The following ARHGAP23 variants were observed in gnomAD, a reference collection of about 807,000 sequenced individuals.
The protein encoded by ARHGAP23 is rho GTPase-activating protein 23.
In ARHGAP23, 34 loss-of-function variants were observed where a neutral mutation model predicts 136.3. The ratio of observed to expected loss-of-function variants is 0.25; its 90% CI spans 0.19 to 0.33. The LOEUF (loss-of-function observed/expected upper bound fraction) is 0.33, where lower values mean the gene tolerates loss of function less well. Ranked by LOEUF, ARHGAP23 falls within the 10% of genes least tolerant of loss-of-function variation. The pLI is 1.00. For missense variants in ARHGAP23, 1,808 were observed against 2,139.0 expected (o/e 0.85, Z 3.05); for synonymous variants, 832 against 920.5 (o/e 0.90, Z 1.74).
intron 16 of ARHGAP23, among the ~76,000 whole-genome samples, chr17:38,485,516 G>A (rs960373852): frequency 1.3e-5 from 2 of 152,184 alleles, no homozygotes; most frequent in African/African-American, 2.4e-5. Context: ...TGGGTTAAGC[G>A]CCAGGAAGGA....
chr17:38,420,650 G>A (rs2038511498), intron 1 of ARHGAP23, among the ~76,000 whole-genome samples: 1 of 152,146 alleles, frequency 6.6e-6, no homozygotes, highest in Non-Finnish European at 1.5e-5. Context: ...GAGGGGCACT[G>A]GGAGGCATAA....
chr17:38,477,623 G>T lies in ARHGAP23; in HGVS notation c.2163G>T (p.Ala721=). 2 of 1,273,684 alleles carry T rather than the reference G, an allele frequency of 1.6e-6. No homozygotes were observed. The highest frequency in any genetic ancestry group is 4.7e-5 in the South Asian group (2 of 43,004). The allele number at this position is 1,273,684 out of a possible 1,614,324, so 78.9% of individuals were successfully genotyped here. A position where few individuals can be genotyped will look rare whatever the true frequency, so the allele number is the denominator to read the frequency against. ...GCCAGTGGAAGCGGGTGTACGCCGCGCTGCGGGCGCGCTCGCTCTCGCTGA... is the reference window on the plus strand; with the variant it reads ...GCCAGTGGAAGCGGGTGTACGCCGCTCTGCGGGCGCGCTCGCTCTCGCTGA... ...GLRQWKRVYA[A]LRARSLSLSK... Residue 721 remains alanine, a synonymous_variant, in exon 12 of 24, where the codon GCG becomes GCT. Coordinates refer to ENST00000622683, the MANE Select transcript of ARHGAP23 (RefSeq NM_001199417.2). The surrounding 1 kb of genome is among the most constrained non-coding windows in gnomAD (Gnocchi z 6.6).
rs767961134 is a variant in ARHGAP23, at chr17:38,504,361, G to A, written c.3447+3733G>A. Reference sequence around the variant, plus strand: ...TCATCTACTGGGGAGACCAGGAATCGGAGTCAGGGAAGCAGGAGGCACCAG... The same window carrying A: ...TCATCTACTGGGGAGACCAGGAATCAGAGTCAGGGAAGCAGGAGGCACCAG... On this transcript the variant is annotated intron_variant, in intron 23 of 23. Transcript: ENST00000622683. 4.7e-4 allele frequency among the ~76,000 whole-genome samples: 72 copies of A among 152,172 alleles called. 1 individual carries two copies. The highest frequency in any genetic ancestry group is 1.9e-4 in the Non-Finnish European group (13 of 68,024).
chr17:38,424,193 C>T (rs935076492), upstream of ARHGAP23, among the ~76,000 whole-genome samples: 12 of 152,184 alleles, frequency 7.9e-5, no homozygotes, highest in African/African-American at 2.4e-4. Flanking sequence ...CCTCTGGAGC[C>T]CCACCCTCCA....
At chr17:38,479,665 G>T in intron 13 of ARHGAP23, 88 bp from the exon 14 acceptor site, 2 of 1,426,066 alleles carry the variant, frequency 1.4e-6, no homozygotes, top group Middle Eastern at 2.6e-4. Context: ...GGGTGGAGGG[G>T]AGGTCCCGAG....
intron 1 of ARHGAP23, among the ~76,000 whole-genome samples, chr17:38,447,781 T>C (rs1177218003): frequency 6.7e-6 from 1 of 148,822 alleles, no homozygotes; most frequent in Admixed American, 6.6e-5. Context: ...CAAGGGCTGC[T>C]GAGTGGGTAA....
At chr17:38,468,920 G>A (rs1403036859) in intron 7 of ARHGAP23, among the ~76,000 whole-genome samples, 2 of 152,156 alleles carry the variant, frequency 1.3e-5, no homozygotes, top group Non-Finnish European at 2.9e-5. Flanking sequence ...TCTGGAGCCC[G>A]GTCTAAGGAG....
At chr17:38,434,558 G>A (rs2038752995) in intron 1 of ARHGAP23, among the ~76,000 whole-genome samples, 1 of 152,238 alleles carries the variant, frequency 6.6e-6, no homozygotes, top group African/African-American at 2.4e-5. Context: ...TTGGCCTCTT[G>A]GGGTGTGGAG....
At chr17:38,507,471 T>C (rs2040660420) in intron 23 of ARHGAP23, among the ~76,000 whole-genome samples, 1 of 152,096 alleles carries the variant, frequency 6.6e-6, no homozygotes, top group African/African-American at 2.4e-5. Flanking sequence ...CCATTGCTCC[T>C]GCTGGCCCCC....
In ARHGAP23 at chr17:38,428,512, C is replaced by T. The variant is rs1034998468; in HGVS notation, c.27C>T (p.Val9=). ...TGAATGGAGTCGCCTTCTGCCTGGT[C>T]GGGATCCCGCCCCGCCCGGAGCCCC... MNGVAFCL[V]GIPPRPEPRP... is the part of the protein sequence containing the mutation. Residue 9 remains valine, a synonymous_variant, in exon 1 of 24, where the codon GTC becomes GTT. Coordinates refer to ENST00000622683, the MANE Select transcript of ARHGAP23 (RefSeq NM_001199417.2). 18 of 1,456,710 alleles carry T rather than the reference C, an allele frequency of 1.2e-5. No individual in the cohort carries two copies. The highest frequency in any genetic ancestry group is 1.5e-5 in the Non-Finnish European group (17 of 1,108,242). The allele number at this position is 1,456,710 out of a possible 1,614,324, so 90.2% of individuals were successfully genotyped here. A position where few individuals can be genotyped will look rare whatever the true frequency, so the allele number is the denominator to read the frequency against.
chr17:38,509,147 C>G (rs572318037), intron 23 of ARHGAP23, among the ~76,000 whole-genome samples: 15 of 152,006 alleles, frequency 9.9e-5, no homozygotes, highest in African/African-American at 3.4e-4. Context: ...GCAGCATGGG[C>G]CCTCCTGGGA....
chr17:38,470,775 G>C lies in ARHGAP23; in HGVS notation c.1974+871G>C, dbSNP rs141771344. ...TGGTCTCGAACTCCTGACGTCAGGT[G>C]ATCCACCCACCTCGGCCTCCCAAAG... is the stretch of plus-strand genomic sequence containing the variant. On this transcript the variant is annotated intron_variant, in intron 10 of 23. Coordinates refer to ENST00000622683, the MANE Select transcript of ARHGAP23 (RefSeq NM_001199417.2). Among the ~76,000 whole-genome samples the C allele has an allele frequency of 6.8e-4, 103 of 152,142 alleles. 6 individuals are homozygous for C. In the East Asian group the frequency reaches 0.019, roughly 28 times the overall value.
intron 1 of ARHGAP23, among the ~76,000 whole-genome samples, chr17:38,420,917 C>G (rs1276050787): frequency 6.6e-6 from 1 of 151,894 alleles, no homozygotes; most frequent in Admixed American, 6.5e-5. Flanking sequence ...GTGAATTTCA[C>G]CTGGATTTTT....
intron 17 of ARHGAP23, among the ~76,000 whole-genome samples, chr17:38,488,963 C>T (rs2040214842): frequency 6.6e-6 from 1 of 151,912 alleles, no homozygotes; most frequent in Admixed American, 6.6e-5. Context: ...GCAACCTCCG[C>T]CTCCCGGGTT....
intron 17 of ARHGAP23, among the ~76,000 whole-genome samples, chr17:38,488,728 T>G (rs2144744969): frequency 6.6e-6 from 1 of 152,102 alleles, no homozygotes; most frequent in East Asian, 1.9e-4. Flanking sequence ...TTTGTATTTT[T>G]GGTAGAGACG....
chr17:38,457,125 G>T (rs768328774), intron 1 of ARHGAP23, among the ~76,000 whole-genome samples: 5 of 152,222 alleles, frequency 3.3e-5, no homozygotes, highest in Non-Finnish European at 7.3e-5. Flanking sequence ...GGCCAGGCTG[G>T]TCTCGAACTC....
chr17:38,453,679 G>A (rs1473142525), intron 1 of ARHGAP23: 1 of 150,520 alleles, frequency 6.6e-6, no homozygotes, highest in South Asian at 2.1e-4. Context: ...CGGGCGTGTC[G>A]GGGCTCGGGC....
At chr17:38,433,402 A>G (rs939411052) in intron 1 of ARHGAP23, among the ~76,000 whole-genome samples, 1 of 152,218 alleles carries the variant, frequency 6.6e-6, no homozygotes, top group Non-Finnish European at 1.5e-5. Context: ...AAATGAGAAC[A>G]ATGCACTTTT....
chr17:38,429,868 C>A (rs760173795), intron 1 of ARHGAP23, among the ~76,000 whole-genome samples: 4 of 152,208 alleles, frequency 2.6e-5, no homozygotes, highest in Non-Finnish European at 5.9e-5. Flanking sequence ...CCATGTGGTT[C>A]TCCCCTCTGC....
Sources: allele counts gnomAD v4.1 joint callset (sites outside exome capture counted in the v4.1 genomes callset), GRCh38; gene constraint gnomAD v4.1.1; non-coding constraint Gnocchi (gnomAD v3.1); transcripts MANE v1.5; gene names NCBI Gene and HGNC (gene_info 2026-07-23, HGNC 2026-07-21).